Variants in SYNE2 observed in about 807,000 individuals in gnomAD.
The protein encoded by SYNE2 is nesprin-2.
A neutral mutation model predicts 856.3 loss-of-function variants in SYNE2; 431 were observed. The observed-to-expected ratio is 0.50, with a 90% CI of 0.47 to 0.55. The LOEUF is 0.55. Ranked by LOEUF, SYNE2 falls within the 20% of genes least tolerant of loss-of-function variation. The pLI is 0.00. For missense variants in SYNE2, 8,129 were observed against 8,023.2 expected (o/e 1.01, Z -0.50); for synonymous variants, 2,923 against 2,872.3 (o/e 1.02, Z -0.56).
At chr14:63,884,051 G>A (rs922441305) in intron 1 of SYNE2, among the ~76,000 whole-genome samples, 1 of 152,168 alleles carries the variant, frequency 6.6e-6, no homozygotes. Context: ...AAGGAAAGCC[G>A]CTCAGGGCGA....
intron 75 of SYNE2, 53 bp downstream of exon 75, chr14:64,129,954 T>A: frequency 6.2e-7 from 1 of 1,613,908 alleles, no homozygotes; most frequent in Non-Finnish European, 8.5e-7. Flanking sequence ...AGGAGCCAGA[T>A]CCTTTTCTTC....
At chr14:63,799,427 G>C (rs1361940242) in intron 1 of SYNE2, among the ~76,000 whole-genome samples, 3 of 150,156 alleles carry the variant, frequency 2.0e-5, no homozygotes, top group African/African-American at 7.4e-5. Context: ...CGGGCGCGGT[G>C]GCTCATGCCT....
At chr14:63,915,748 G>A (rs908249972) in intron 2 of SYNE2, among the ~76,000 whole-genome samples, 1 of 151,946 alleles carries the variant, frequency 6.6e-6, no homozygotes, top group Non-Finnish European at 1.5e-5. Flanking sequence ...GTGTCTTCTC[G>A]GTAGGTATCC....
rs2098680895 is a variant in SYNE2, at chr14:64,219,104, G to GTTTGTTTTTT, written c.19658-101_19658-100insGTTTTTTTTT. 4 of 409,018 alleles carry GTTTGTTTTTT rather than the reference G, an allele frequency of 9.8e-6. No individual in the cohort carries two copies. The East Asian group carries it at 1.7e-4, about 18-fold the overall frequency. 25.3% of individuals were successfully genotyped at this position (409,018 alleles called of 1,614,324 possible). A position where few individuals can be genotyped will look rare whatever the true frequency, so the allele number is the denominator to read the frequency against. On this transcript the variant is annotated intron_variant, in intron 109 of 115. Coordinates refer to ENST00000555002, the MANE Select transcript of SYNE2 (RefSeq NM_182914.3). ...CAGGGGAATCCCCTACAGTTTTTTTGTTTTTTTTTTTTTTTTTTTTAACCA... is the reference window on the plus strand; with the variant it reads ...CAGGGGAATCCCCTACAGTTTTTTTGTTTGTTTTTTTTTTTTTTTTTTTTTTTTTTAACCA...
chr14:64,125,052 G>A, intron 70 of SYNE2, 27 bp from the exon 71 acceptor site: 1 of 1,613,820 alleles, frequency 6.2e-7, no homozygotes, highest in Non-Finnish European at 8.5e-7. Flanking sequence ...AAAACTGTCA[G>A]TAATAGGGTT....
intron 113 of SYNE2, among the ~76,000 whole-genome samples, chr14:64,224,219 G>A (rs2098707807): frequency 6.9e-6 from 1 of 144,900 alleles, no homozygotes. Flanking sequence ...ACCAGGTGTG[G>A]TGGTGCATGC....
At chr14:63,836,831 A>G (rs187125986) in intron 1 of SYNE2, among the ~76,000 whole-genome samples, 3 of 152,350 alleles carry the variant, frequency 2.0e-5, no homozygotes, top group African/African-American at 7.2e-5. Context: ...CCTCTGCTAC[A>G]AAACATTACA....
At chr14:64,035,736 G>C (rs781513573) in intron 45 of SYNE2, among the ~76,000 whole-genome samples, 9 of 152,000 alleles carry the variant, frequency 5.9e-5, no homozygotes, top group Non-Finnish European at 8.8e-5. Flanking sequence ...CTGTCACTCA[G>C]GCTGGAGTGT....
Position 64,053,022 on chromosome 14 carries a change from CA to C in SYNE2, c.9110del (p.Gln3037ArgfsTer16). 6.2e-7 allele frequency: 1 copy of C among 1,613,130 alleles called. No homozygotes were observed. The highest frequency in any genetic ancestry group is 8.5e-7 in the Non-Finnish European group (1 of 1,179,858). On this transcript the variant is annotated frameshift_variant, in exon 48 of 116. Transcript: ENST00000555002. LOFTEE classifies it high-confidence loss of function. ...AAAGGAACTTGAAGAAAAAATTAAGCAGTTGGACACATTTGAGGAAGAACAT... is the reference window on the plus strand; with the variant it reads ...AAAGGAACTTGAAGAAAAAATTAAGCGTTGGACACATTTGAGGAAGAACAT... The part of the protein sequence containing the change: ...KEKELEEKIK[Q>X]LDTFEEEHGK...
intron 1 of SYNE2, among the ~76,000 whole-genome samples, chr14:63,902,589 T>C (rs2095352993): frequency 6.6e-6 from 1 of 151,710 alleles, no homozygotes; most frequent in Non-Finnish European, 1.5e-5. Context: ...CTTAGAGGAG[T>C]CAAAACACAG....
chr14:64,024,534 G>A, intron 39 of SYNE2, 75 bp downstream of exon 39: 5 of 1,400,996 alleles, frequency 3.6e-6, no homozygotes, highest in Non-Finnish European at 5.0e-6. Flanking sequence ...TCAGCGCAGA[G>A]AGCACTGGGA....
At chr14:64,170,888 C>T (rs2098407396) in intron 94 of SYNE2, among the ~76,000 whole-genome samples, 1 of 152,092 alleles carries the variant, frequency 6.6e-6, no homozygotes, top group Admixed American at 6.6e-5. Flanking sequence ...ATAAGACCTA[C>T]TATTTGATAG....
intron 10 of SYNE2, among the ~76,000 whole-genome samples, chr14:63,965,087 C>T (rs1248478706): frequency 1.3e-5 from 2 of 151,626 alleles, no homozygotes; most frequent in Non-Finnish European, 2.9e-5. Flanking sequence ...CTCAGTCTCC[C>T]GAGTAGCTGG....
At chr14:63,831,615 G>A (rs965072006) in intron 1 of SYNE2, among the ~76,000 whole-genome samples, 3 of 139,734 alleles carry the variant, frequency 2.1e-5, no homozygotes, top group Middle Eastern at 3.8e-3. Flanking sequence ...GAGTGCAGTG[G>A]CACAATCTCG....
At chr14:64,196,458 T>C (rs2098540993) in intron 99 of SYNE2, among the ~76,000 whole-genome samples, 1 of 152,048 alleles carries the variant, frequency 6.6e-6, no homozygotes, top group Non-Finnish European at 1.5e-5. Context: ...TACTGCAAAA[T>C]AGAATTTTTT....
chr14:64,124,418 T>A (rs76404369), intron 70 of SYNE2, among the ~76,000 whole-genome samples: 3,282 of 150,542 alleles, frequency 0.022, 53 homozygotes, highest in Non-Finnish European at 0.035. Context: ...TCTTGTTATG[T>A]TGTACAGGCT....
chr14:64,207,527 C>T (rs1407797545), intron 100 of SYNE2, among the ~76,000 whole-genome samples: 3 of 139,252 alleles, frequency 2.2e-5, no homozygotes, highest in Non-Finnish European at 4.5e-5. Flanking sequence ...ACCACTATAA[C>T]AGAGTGAAAC....
intron 1 of SYNE2, among the ~76,000 whole-genome samples, chr14:63,902,674 C>T (rs1187275754): frequency 6.6e-6 from 1 of 151,648 alleles, no homozygotes. Flanking sequence ...AGCCCTCACT[C>T]CTCTTTCTTT....
chr14:64,172,151 C>T (rs145412977), intron 94 of SYNE2, among the ~76,000 whole-genome samples: 7 of 152,184 alleles, frequency 4.6e-5, no homozygotes, highest in African/African-American at 1.7e-4. Context: ...GTGCCCAGCC[C>T]CATATTTTTT....
Sources: allele counts gnomAD v4.1 joint callset (sites outside exome capture counted in the v4.1 genomes callset), GRCh38; gene constraint gnomAD v4.1.1; transcripts MANE v1.5; gene names NCBI Gene and HGNC (gene_info 2026-07-23, HGNC 2026-07-21).